WDR17: variants seen among roughly 807,000 people sequenced by gnomAD.
WDR17 encodes WD repeat-containing protein 17.
A neutral mutation model predicts 161.7 loss-of-function variants in WDR17; 143 were observed. The ratio of observed to expected loss-of-function variants is 0.88; its 90% CI spans 0.77 to 1.02. WDR17 has a LOEUF of 1.02. Ranked by LOEUF, WDR17 falls within the 50% of genes least tolerant of loss-of-function variation. The pLI, the probability that WDR17 is intolerant of heterozygous loss-of-function variation, is 0.00. For missense variants in WDR17, 1,469 were observed against 1,520.9 expected (o/e 0.97, Z 0.57); for synonymous variants, 517 against 515.6 (o/e 1.00, Z -0.04).
chr4:176,173,978 G>A (rs901567204), intron 25 of WDR17, among the ~76,000 whole-genome samples: 1 of 151,510 alleles, frequency 6.6e-6, no homozygotes, highest in Admixed American at 6.6e-5. Context: ...TGGATCTCAA[G>A]TCCTTAAGAA....
At chr4:176,094,771 A>T (rs975898580) in intron 1 of WDR17, among the ~76,000 whole-genome samples, 1 of 152,172 alleles carries the variant, frequency 6.6e-6, no homozygotes, top group Non-Finnish European at 1.5e-5. Context: ...GTAGGAGGAG[A>T]TGAGGTTGAT....
chr4:176,150,883 A>G (rs1322287766), intron 16 of WDR17, among the ~76,000 whole-genome samples: 1 of 152,148 alleles, frequency 6.6e-6, no homozygotes, highest in Non-Finnish European at 1.5e-5. Flanking sequence ...TGACATGTGG[A>G]CTATTCTAAT....
intron 8 of WDR17, 79 bp downstream of exon 8, chr4:176,135,355 C>G (rs1203105000): frequency 6.9e-7 from 1 of 1,453,740 alleles, no homozygotes; most frequent in African/African-American, 1.4e-5. Flanking sequence ...TTACTTTCTT[C>G]CTCTTGATCT....
At chr4:176,104,636 G>A (rs964630676) in intron 1 of WDR17, among the ~76,000 whole-genome samples, 2 of 152,000 alleles carry the variant, frequency 1.3e-5, no homozygotes, top group Non-Finnish European at 2.9e-5. Context: ...GGTTTTGTAT[G>A]TAATTGAAGC....
intron 13 of WDR17, among the ~76,000 whole-genome samples, chr4:176,149,579 G>A (rs546775496): frequency 1.3e-5 from 2 of 151,922 alleles, no homozygotes; most frequent in East Asian, 3.9e-4. Context: ...AGCCTCTAAT[G>A]GTTATTCAAT....
chr4:176,145,982 G>C lies in WDR17; in HGVS notation c.1530-13G>C, dbSNP rs1746093067. On this transcript the variant is annotated splice_polypyrimidine_tract_variant and intron_variant, in intron 11 of 28. Coordinates refer to ENST00000508596, the MANE Select transcript of WDR17 (RefSeq NM_181265.4). ...ATTTATCCTATGTCAATATTCCATTGATGATATTTCAGAGACATGATAGCC... is the reference window on the plus strand; with the variant it reads ...ATTTATCCTATGTCAATATTCCATTCATGATATTTCAGAGACATGATAGCC... 1.9e-6 allele frequency: 3 copies of C among 1,607,732 alleles called. No individual in the cohort carries two copies. Among genetic ancestry groups the C allele is most frequent in the Non-Finnish European group, 2.6e-6 (3 of 1,175,052 alleles).
chr4:176,084,240 G>C (rs1408802834), intron 1 of WDR17, among the ~76,000 whole-genome samples: 1 of 152,090 alleles, frequency 6.6e-6, no homozygotes, highest in African/African-American at 2.4e-5. Flanking sequence ...AAAAGTTCAA[G>C]ACTGAGCATT....
At position 176,119,975 on chromosome 4, in the gene WDR17, T is replaced by A; in HGVS notation, c.416T>A (p.Val139Glu). Residue 139 changes from valine (V) to glutamate (E), a missense_variant, in exon 4 of 29, where the codon GTG becomes GAG. Coordinates refer to ENST00000508596, the MANE Select transcript of WDR17 (RefSeq NM_181265.4). Reference sequence around the variant, plus strand: ...ACCATCTCAGGACCAGATAGTGGAGTGATTGTACACAAAGATGCTCATAGC... The same window carrying A: ...ACCATCTCAGGACCAGATAGTGGAGAGATTGTACACAAAGATGCTCATAGC... Reference protein sequence around the residue: ...IWTISGPDSGVIVHKDAHSFL... With the variant: ...IWTISGPDSGEIVHKDAHSFL... The A allele has an allele frequency of 6.2e-7, 1 of 1,613,914 alleles. No homozygotes were observed. Among genetic ancestry groups the A allele is most frequent in the Non-Finnish European group, 8.5e-7 (1 of 1,179,972 alleles).
In WDR17 at chr4:176,181,390, C is replaced by G. The variant is rs1314006775; in HGVS notation, c.*1811C>G. On this transcript the variant is annotated 3_prime_UTR_variant, in exon 29 of 29. Coordinates refer to ENST00000508596, the MANE Select transcript of WDR17 (RefSeq NM_181265.4). ...GCTAAGGCAGGAGAATCGCTTGAAT[C>G]CAGGAGGCGGAGGTTGCAGTGAGCT... The G allele has an allele frequency of 5.7e-6, 1 of 175,448 alleles. No individual in the cohort carries two copies. Among genetic ancestry groups the G allele is most frequent in the Non-Finnish European group, 1.2e-5 (1 of 86,456 alleles). The allele number at this position is 175,448 out of a possible 1,614,324, so 10.9% of individuals were successfully genotyped here.
Position 176,177,639 on chromosome 4 carries a change from G to A in WDR17, c.3717G>A (p.Thr1239=), listed in dbSNP as rs145267415. 5.9e-5 allele frequency: 94 copies of A among 1,583,824 alleles called. 1 individual carries two copies. In the South Asian group the frequency reaches 6.9e-4, roughly 12 times the overall value. ...CTGATATTCACATTTCTTGTCTTAC[G>A]GGATTAAAAATCCAGGTAAAGCCTA... ...SHSDIHISCL[T]GLKIQGPVFF... Residue 1239 remains threonine (T), a synonymous_variant, in exon 28 of 29, where the codon ACG becomes ACA. Coordinates refer to ENST00000508596, the MANE Select transcript of WDR17 (RefSeq NM_181265.4).
At chr4:176,127,087 G>A (rs745632702) in intron 5 of WDR17, among the ~76,000 whole-genome samples, 3 of 152,204 alleles carry the variant, frequency 2.0e-5, no homozygotes, top group Non-Finnish European at 4.4e-5. Context: ...TAAAGTATAC[G>A]AGAAAATATG....
chr4:176,172,449 T>C lies in WDR17; in HGVS notation c.3177T>C (p.Thr1059=). ...GTGCAGATGACAATATATTTGAAAC[T>C]GTAAAATATTACTTGTTAAGTCAAG... ...TARADDNIFE[T]VKYYLLSQEP... The change falls in exon 24 of 29, where the codon ACT becomes ACC. Residue 1059 remains threonine, a synonymous_variant. Coordinates refer to ENST00000508596, the MANE Select transcript of WDR17 (RefSeq NM_181265.4). 4 of 1,611,878 alleles carry C rather than the reference T, an allele frequency of 2.5e-6. No individual in the cohort carries two copies. The highest frequency in any genetic ancestry group is 3.4e-6 in the Non-Finnish European group (4 of 1,179,392).
intron 1 of WDR17, among the ~76,000 whole-genome samples, chr4:176,076,696 G>GT (rs899378753): frequency 1.3e-5 from 2 of 150,264 alleles, no homozygotes; most frequent in Non-Finnish European, 3.0e-5. Flanking sequence ...GTTGTCTTTT[G>GT]TTTTTTTCAT....
rs1749145576 is a variant in WDR17, at chr4:176,162,255, C to T, written c.2850+81C>T. On this transcript the variant is annotated intron_variant, in intron 21 of 28. Coordinates refer to ENST00000508596, the MANE Select transcript of WDR17 (RefSeq NM_181265.4). ...TGTTTGAGAGGAAAAGATATGGTGA[C>T]TTTCTATGTGAGATCTGGTTTTGCA... 3 of 1,277,436 alleles carry T rather than the reference C, an allele frequency of 2.3e-6. No homozygotes were observed. The East Asian group carries it at 7.4e-5, about 32-fold the overall frequency. 79.1% of individuals were successfully genotyped at this position (1,277,436 alleles called of 1,614,324 possible). A position where few individuals can be genotyped will look rare whatever the true frequency, so the allele number is the denominator to read the frequency against.
chr4:176,078,834 T>G (rs930438273), intron 1 of WDR17, among the ~76,000 whole-genome samples: 1 of 152,050 alleles, frequency 6.6e-6, no homozygotes, highest in Non-Finnish European at 1.5e-5. Context: ...CAAATCAGGA[T>G]AGTATATCTG....
chr4:176,104,905 A>G (rs888041256), intron 1 of WDR17, among the ~76,000 whole-genome samples: 1 of 152,088 alleles, frequency 6.6e-6, no homozygotes, highest in African/African-American at 2.4e-5. Flanking sequence ...TTGTAAATGT[A>G]AATGGATATT....
At chr4:176,120,127 A>T (rs945308228) in intron 4 of WDR17, 30 bp downstream of exon 4, 1 of 1,537,516 alleles carries the variant, frequency 6.5e-7, no homozygotes, top group African/African-American at 1.4e-5. Context: ...GGTATCTTAA[A>T]TAGTATATTT....
intron 1 of WDR17, among the ~76,000 whole-genome samples, chr4:176,084,223 T>C (rs553550373): frequency 4.6e-4 from 70 of 152,284 alleles, no homozygotes; most frequent in African/African-American, 1.5e-3. Flanking sequence ...ATGATTCTAA[T>C]GTCTGGAAAA....
At chr4:176,141,778 T>C (rs1745303910) in intron 10 of WDR17, among the ~76,000 whole-genome samples, 1 of 152,200 alleles carries the variant, frequency 6.6e-6, no homozygotes, top group Non-Finnish European at 1.5e-5. Flanking sequence ...ATATTAATTG[T>C]AGGTTACCAT....
Sources: gnomAD v4.1 joint callset for allele counts (sites outside exome capture counted in the v4.1 genomes callset) on GRCh38, gnomAD v4.1.1 for gene constraint, MANE v1.5 for transcripts, NCBI Gene and HGNC (gene_info 2026-07-23, HGNC 2026-07-21) for gene names.